The following C19orf18 variants were observed in gnomAD, a reference collection of about 807,000 sequenced individuals.
C19orf18 encodes chromosome 19 open reading frame 18, also known as uncharacterized protein C19orf18.
Under a neutral mutation model 23.3 loss-of-function variants are expected in C19orf18, and 21 were observed. The observed-to-expected ratio is 0.90, with a 90% CI of 0.64 to 1.30. C19orf18 has a LOEUF of 1.30. Among genes scored for constraint, C19orf18 ranks in the 50% most tolerant of loss-of-function variants. The pLI is 0.00. For synonymous variants in C19orf18, 96 were observed against 95.2 expected (o/e 1.01, Z -0.05); for missense variants, 249 against 259.6 (o/e 0.96, Z 0.28).
chr19:57,971,400 C>T (rs746674807), intron 3 of C19orf18, among the ~76,000 whole-genome samples: 6 of 152,094 alleles, frequency 3.9e-5, no homozygotes, highest in African/African-American at 7.2e-5. Context: ...ACCCCATGCC[C>T]CACAGCCACC....
intron 4 of C19orf18, among the ~76,000 whole-genome samples, chr19:57,961,892 C>T (rs2375163): frequency 0.26 from 38,233 of 148,224 alleles, 5,040 homozygotes; most frequent in African/African-American, 0.36. Context: ...TTTTCTTTCT[C>T]TTTTTTTTCC....
chr19:57,971,478 G>T (rs1185940010), intron 3 of C19orf18, among the ~76,000 whole-genome samples: 2 of 148,114 alleles, frequency 1.4e-5, no homozygotes, highest in Admixed American at 6.8e-5. Flanking sequence ...GAATAAAGTT[G>T]TTTTTTTTAA....
intron 4 of C19orf18, among the ~76,000 whole-genome samples, chr19:57,961,828 C>T (rs2072873967): frequency 6.6e-6 from 1 of 152,156 alleles, no homozygotes; most frequent in South Asian, 2.1e-4. Flanking sequence ...AAGGTGTTGA[C>T]AAAAAATCCA....
Position 57,974,158 on chromosome 19 carries a change from T to G in C19orf18, c.167A>C (p.Lys56Thr), listed in dbSNP as rs757592069. Reference sequence around the variant, plus strand: ...CAACTGGGTTTTATGAAAGAACACTTTGGGCTCTTTGGTGATGTTTCTGGG... The same window carrying G: ...CAACTGGGTTTTATGAAAGAACACTGTGGGCTCTTTGGTGATGTTTCTGGG... ...QPPRNITKEP[K>T]VFFHKTQLPG... Residue 56 changes from lysine to threonine, a missense_variant, in exon 2 of 6, where the codon AAA becomes ACA. Lys to Thr is a moderately conservative substitution (Grantham distance 78). Transcript: ENST00000314391. 5 of 1,614,072 alleles carry G rather than the reference T, an allele frequency of 3.1e-6. No homozygotes were observed. Among genetic ancestry groups the G allele is most frequent in the Non-Finnish European group, 4.2e-6 (5 of 1,180,012 alleles).
chr19:57,972,064 G>C (rs1341387982), intron 3 of C19orf18, among the ~76,000 whole-genome samples: 6 of 152,204 alleles, frequency 3.9e-5, no homozygotes, highest in Non-Finnish European at 8.8e-5. Flanking sequence ...TGGGGCGGGA[G>C]CAGCAGCAGG....
At chr19:57,968,277 C>T (rs1454239794) in intron 3 of C19orf18, among the ~76,000 whole-genome samples, 1 of 152,238 alleles carries the variant, frequency 6.6e-6, no homozygotes, top group Non-Finnish European at 1.5e-5. Flanking sequence ...AAGGCCCCAA[C>T]TCCTAATATC....
At chr19:57,967,762 A>C (rs2072918298) in intron 3 of C19orf18, among the ~76,000 whole-genome samples, 2 of 151,160 alleles carry the variant, frequency 1.3e-5, no homozygotes, top group Admixed American at 1.3e-4. Context: ...TAAAAAAAAA[A>C]AACTTTGGGA....
intron 3 of C19orf18, among the ~76,000 whole-genome samples, chr19:57,969,594 A>AAAAAAAAAAAAAAAAAAAAAG (rs2072931939): frequency 7.1e-6 from 1 of 140,648 alleles, no homozygotes; most frequent in Non-Finnish European, 1.5e-5. Context: ...AAAAAAAAAA[A>AAAAAAAAAAAAAAAAAAAAAG]AACCAAGAAA....
At chr19:57,964,541 CAA>C (rs1347143838) in intron 4 of C19orf18, among the ~76,000 whole-genome samples, 1 of 152,328 alleles carries the variant, frequency 6.6e-6, no homozygotes, top group Non-Finnish European at 1.5e-5. Flanking sequence ...CTCGGCCTCC[CAA>C]AGTGTTGGGA....
Position 57,967,614 on chromosome 19 carries a change from C to T in C19orf18, c.269-982G>A, listed in dbSNP as rs150411481. On this transcript the variant is annotated intron_variant, in intron 3 of 5. Transcript: ENST00000314391. ...CAAAAATACAAAAATTCATCGGGTG[C>T]GGTGGCAGGTGCCTGTAATCCCAGC... is the stretch of plus-strand genomic sequence containing the variant. Among the ~76,000 whole-genome samples, 182 of 151,818 alleles carry T rather than the reference C, an allele frequency of 1.2e-3. 1 individual carries two copies. Among genetic ancestry groups the T allele is most frequent in the African/African-American group, 4.2e-3 (174 of 41,376 alleles).
chr19:57,972,562 C>T, intron 2 of C19orf18, 58 bp from the exon 3 acceptor site: 1 of 1,575,580 alleles, frequency 6.3e-7, no homozygotes, highest in South Asian at 1.1e-5. Context: ...TTAAGATGAA[C>T]TTGGGAAAAC....
intron 3 of C19orf18, among the ~76,000 whole-genome samples, chr19:57,968,470 G>A (rs142055209): frequency 7.7e-4 from 117 of 152,288 alleles, no homozygotes; most frequent in Admixed American, 1.3e-3. Context: ...GCAAGAGACA[G>A]AGAAAGGAGG....
rs1215713406 is a variant in C19orf18 at position 57,966,538 on chromosome 19, A to G, written c.363T>C (p.Tyr121=). 2 of 1,595,068 alleles carry G rather than the reference A, an allele frequency of 1.3e-6. No individual in the cohort carries two copies. Among genetic ancestry groups the G allele is most frequent in the Admixed American group, 3.3e-5 (2 of 59,890 alleles). Residue 121 remains tyrosine (Y), a synonymous_variant, in exon 4 of 6, where the codon TAT becomes TAC. Transcript: ENST00000314391. ...IALICGMAIS[Y]MIYRLAQAEE... Reference sequence around the variant, plus strand: ...ACTTAGCAGATACTTACTATATCATATAGGAGATTGCCATCCCACATATCA... The same window carrying G: ...ACTTAGCAGATACTTACTATATCATGTAGGAGATTGCCATCCCACATATCA...
intron 2 of C19orf18, among the ~76,000 whole-genome samples, chr19:57,972,977 G>A (rs760017922): frequency 1.3e-5 from 2 of 151,528 alleles, no homozygotes; most frequent in Non-Finnish European, 1.5e-5. Flanking sequence ...GTGAAACCCC[G>A]TCTCTACTGA....
At chr19:57,966,104 A>G (rs1181792165) in intron 4 of C19orf18, among the ~76,000 whole-genome samples, 1 of 151,536 alleles carries the variant, frequency 6.6e-6, no homozygotes, top group East Asian at 1.9e-4. Flanking sequence ...CAGCCTCCCG[A>G]GGAGCCGGGA....
At chr19:57,961,234 TA>T (rs775666773) in intron 5 of C19orf18, among the ~76,000 whole-genome samples, 156 bp downstream of exon 5, 309 of 136,822 alleles carry the variant, frequency 2.3e-3, no homozygotes, top group Non-Finnish European at 4.2e-3. Flanking sequence ...GAGTCCGTCT[TA>T]AAAAAAAAAT....
At chr19:57,974,256 C>A in intron 1 of C19orf18, 53 bp from the exon 2 acceptor site, 1 of 1,613,558 alleles carries the variant, frequency 6.2e-7, no homozygotes, top group Non-Finnish European at 8.5e-7. Flanking sequence ...TTTTATCTCC[C>A]CTGAAACAGC....
At chr19:57,966,264 A>T (rs1306545668) in intron 4 of C19orf18, among the ~76,000 whole-genome samples, 1 of 152,098 alleles carries the variant, frequency 6.6e-6, no homozygotes, top group East Asian at 1.9e-4. Flanking sequence ...AGCGTGAGCC[A>T]CCATGCCCGG....
intron 5 of C19orf18, among the ~76,000 whole-genome samples, chr19:57,960,059 AG>A (rs546390405): frequency 2.3e-3 from 342 of 151,460 alleles, no homozygotes; most frequent in African/African-American, 7.8e-3. Flanking sequence ...CAGTGAGCCA[AG>A]ATTTCGCCAC....
Sources: allele counts gnomAD v4.1 joint callset (sites outside exome capture counted in the v4.1 genomes callset), GRCh38; gene constraint gnomAD v4.1.1; transcripts MANE v1.5; gene names NCBI Gene and HGNC (gene_info 2026-07-23, HGNC 2026-07-21).